The following GNAL variants were observed in gnomAD, a reference collection of about 807,000 sequenced individuals.
GNAL encodes G protein subunit alpha L.
In GNAL, 18 loss-of-function variants were observed where a neutral mutation model predicts 55.1. That is an observed-to-expected ratio of 0.33 (90% CI 0.23 to 0.48). The LOEUF (loss-of-function observed/expected upper bound fraction) is 0.48. Among genes scored for constraint, GNAL ranks in the 20% least tolerant of loss-of-function variants. The pLI, the probability that GNAL is intolerant of heterozygous loss-of-function variation, is 0.99. For missense variants in GNAL, 412 were observed against 614.1 expected (o/e 0.67, Z 3.48); for synonymous variants, 253 against 237.0 (o/e 1.07, Z -0.62).
intron 9 of GNAL, among the ~76,000 whole-genome samples, chr18:11,869,631 A>G (rs1185212572): frequency 9.9e-5 from 15 of 152,234 alleles, no homozygotes; most frequent in Non-Finnish European, 1.5e-5. Flanking sequence ...AAAAAATAAT[A>G]CAAGATTACA....
intron 1 of GNAL, among the ~76,000 whole-genome samples, chr18:11,748,674 T>C (rs2032744659): frequency 6.6e-6 from 1 of 152,200 alleles, no homozygotes; most frequent in Non-Finnish European, 1.5e-5. Flanking sequence ...ATGTGACTTC[T>C]AGGTTCTAAC....
intron 1 of GNAL, among the ~76,000 whole-genome samples, chr18:11,735,004 C>T (rs4556858): frequency 0.032 from 4,785 of 147,994 alleles, 100 homozygotes; most frequent in African/African-American, 0.054. Flanking sequence ...AAACGCCAGG[C>T]CGACGTGAGG....
At position 11,884,919 on chromosome 18, in the gene GNAL, T is replaced by A; in HGVS notation, c.*3784T>A. ...CCTGGCTCACTGGGTTCCCATCAAA[T>A]ATAGTGGGGGATCCATAACAGAGAT... On this transcript the variant is annotated 3_prime_UTR_variant, in exon 12 of 12. Coordinates refer to ENST00000334049, the MANE Select transcript of GNAL (RefSeq NM_182978.4). 1 of 1,286,870 alleles carries A rather than the reference T, an allele frequency of 7.8e-7. No homozygotes were observed. The highest frequency in any genetic ancestry group is 1.0e-6 in the Non-Finnish European group (1 of 1,001,354). 79.7% of individuals were successfully genotyped at this position (1,286,870 alleles called of 1,614,324 possible). A position where few individuals can be genotyped will look rare whatever the true frequency, so the allele number is the denominator to read the frequency against.
chr18:11,812,245 A>G (rs2034835378), intron 4 of GNAL, among the ~76,000 whole-genome samples: 1 of 152,224 alleles, frequency 6.6e-6, no homozygotes, highest in African/African-American at 2.4e-5. Flanking sequence ...TGAGATTATA[A>G]TTTGGAAATA....
intron 5 of GNAL, among the ~76,000 whole-genome samples, chr18:11,859,825 A>C (rs1473003027): frequency 2.7e-5 from 4 of 148,180 alleles, no homozygotes; most frequent in African/African-American, 1.0e-4. Context: ...GGCTCACTAC[A>C]ACCTCTGCCT....
intron 1 of GNAL, among the ~76,000 whole-genome samples, chr18:11,709,774 A>C (rs1157855701): frequency 6.6e-6 from 1 of 152,090 alleles, no homozygotes; most frequent in African/African-American, 2.4e-5. Flanking sequence ...TTCCTTTTGA[A>C]TTTTGATGCT....
intron 4 of GNAL, among the ~76,000 whole-genome samples, chr18:11,802,792 G>A (rs1247166355): frequency 1.3e-5 from 2 of 152,236 alleles, no homozygotes; most frequent in African/African-American, 4.8e-5. Flanking sequence ...ACTGCCGGGT[G>A]GCAGGGAGTT....
chr18:11,738,221 A>G (rs1046303818), intron 1 of GNAL, among the ~76,000 whole-genome samples: 10 of 152,114 alleles, frequency 6.6e-5, no homozygotes, highest in Non-Finnish European at 1.3e-4. Context: ...CACCCACCCC[A>G]AAAGTCCCAC....
At chr18:11,871,208 T>C (rs1480963622) in intron 9 of GNAL, among the ~76,000 whole-genome samples, 1 of 152,090 alleles carries the variant, frequency 6.6e-6, no homozygotes, top group Admixed American at 6.6e-5. Context: ...AGGTAAGCTA[T>C]TTCCATTTGA....
intron 1 of GNAL, among the ~76,000 whole-genome samples, chr18:11,725,199 A>T (rs975299143): frequency 6.6e-6 from 1 of 152,204 alleles, no homozygotes; most frequent in Non-Finnish European, 1.5e-5. Flanking sequence ...ATGTGACTGC[A>T]TTTGGAGATT....
At chr18:11,819,076 G>GAT (rs2035029446) in intron 4 of GNAL, among the ~76,000 whole-genome samples, 1 of 152,168 alleles carries the variant, frequency 6.6e-6, no homozygotes, top group African/African-American at 2.4e-5. Flanking sequence ...ATGGGAAATA[G>GAT]CTCTTTGATT....
At chr18:11,878,768 A>G (rs1291096253) in intron 11 of GNAL, among the ~76,000 whole-genome samples, 7 of 151,950 alleles carry the variant, frequency 4.6e-5, no homozygotes, top group African/African-American at 9.7e-5. Context: ...CAGCCTTGCT[A>G]TGTTGGCCAG....
At chr18:11,703,113 G>A (rs532508820) in intron 1 of GNAL, among the ~76,000 whole-genome samples, 1 of 152,222 alleles carries the variant, frequency 6.6e-6, no homozygotes, top group Admixed American at 6.5e-5. Context: ...GCAAGACTCC[G>A]TCTCAAAAAC....
chr18:11,791,193 C>A (rs748447959), intron 4 of GNAL, among the ~76,000 whole-genome samples: 2 of 152,068 alleles, frequency 1.3e-5, no homozygotes, highest in African/African-American at 2.4e-5. Context: ...TGTGTGGGTT[C>A]TTAAGCCATG....
At chr18:11,870,779 G>A (rs1257027925) in intron 9 of GNAL, among the ~76,000 whole-genome samples, 2 of 152,134 alleles carry the variant, frequency 1.3e-5, no homozygotes, top group African/African-American at 4.8e-5. Context: ...ATATTACCAA[G>A]GAGGAGAGGA....
At chr18:11,750,021 C>T (rs1010573954) in intron 1 of GNAL, among the ~76,000 whole-genome samples, 1 of 152,154 alleles carries the variant, frequency 6.6e-6, no homozygotes, top group Non-Finnish European at 1.5e-5. Flanking sequence ...TGAAATGAGA[C>T]AGCAGGCAGT....
chr18:11,759,706 C>T (rs60025683), intron 4 of GNAL, among the ~76,000 whole-genome samples: 10,733 of 152,306 alleles, frequency 0.07, 632 homozygotes, highest in African/African-American at 0.16. Flanking sequence ...GAGCCAAGTG[C>T]GGTGCCCAGC....
At chr18:11,879,189 CCTGA>C (rs1168859368) in intron 11 of GNAL, among the ~76,000 whole-genome samples, 2 of 151,228 alleles carry the variant, frequency 1.3e-5, no homozygotes, top group African/African-American at 4.9e-5. Flanking sequence ...TCAAGAGAAG[CCTGA>C]CTATTGCTAA....
rs1473110878 is a variant in GNAL at position 11,689,417 on chromosome 18, C to A, written c.-147C>A. 1.4e-5 allele frequency: 5 copies of A among 370,112 alleles called. No homozygotes were observed. Among genetic ancestry groups the A allele is most frequent in the Admixed American group, 4.7e-5 (1 of 21,410 alleles). The allele number at this position is 370,112 out of a possible 1,614,324, so 22.9% of individuals were successfully genotyped here. ...TGCCGCACCCCCTTCCCGCAGCTGG[C>A]GGCCGGCAGCGCCGAACAGGGTCCG... On this transcript the variant is annotated 5_prime_UTR_variant, in exon 1 of 12. Transcript: ENST00000334049.
Sources: allele counts gnomAD v4.1 joint callset (sites outside exome capture counted in the v4.1 genomes callset), GRCh38; gene constraint gnomAD v4.1.1; transcripts MANE v1.5; gene names NCBI Gene and HGNC (gene_info 2026-07-23, HGNC 2026-07-21).